Variants in SLC35F4 observed in about 807,000 individuals in gnomAD.
SLC35F4 encodes chromosome 14 open reading frame 36.
In SLC35F4, 24 loss-of-function variants were observed where a neutral mutation model predicts 44.2. The observed-to-expected ratio is 0.54, with a 90% CI of 0.39 to 0.76. The LOEUF (loss-of-function observed/expected upper bound fraction) is 0.76, where lower values mean the gene tolerates loss of function less well. SLC35F4 is among the 30% of genes least tolerant of loss of function. The pLI, the probability that SLC35F4 is intolerant of heterozygous loss-of-function variation, is 0.00. For synonymous variants in SLC35F4, 238 were observed against 223.6 expected (o/e 1.06, Z -0.57); for missense variants, 562 against 586.1 (o/e 0.96, Z 0.42).
At chr14:57,732,739 A>G (rs1018079851) in intron 1 of SLC35F4, among the ~76,000 whole-genome samples, 4 of 152,150 alleles carry the variant, frequency 2.6e-5, no homozygotes, top group Non-Finnish European at 5.9e-5. Flanking sequence ...AAGAAATCTT[A>G]TTATAGTTGG....
chr14:57,724,209 C>G (rs2076150698), intron 1 of SLC35F4, among the ~76,000 whole-genome samples: 1 of 152,170 alleles, frequency 6.6e-6, no homozygotes, highest in Admixed American at 6.5e-5. Context: ...CCAAGCTGCT[C>G]TGCCACTTGG....
intron 1 of SLC35F4, among the ~76,000 whole-genome samples, chr14:57,598,019 T>C (rs2070594301): frequency 6.6e-6 from 1 of 152,140 alleles, no homozygotes; most frequent in Non-Finnish European, 1.5e-5. Context: ...CCAAACTAAA[T>C]TGGTTTAAAG....
intron 1 of SLC35F4, among the ~76,000 whole-genome samples, chr14:57,815,160 C>T (rs533448346): frequency 6.6e-6 from 1 of 152,064 alleles, no homozygotes; most frequent in African/African-American, 2.4e-5. Context: ...GTTTGCCAAC[C>T]CTTTATTTAG....
intron 1 of SLC35F4, among the ~76,000 whole-genome samples, chr14:57,916,630 G>A (rs1055645187): frequency 6.6e-6 from 1 of 152,008 alleles, no homozygotes; most frequent in Non-Finnish European, 1.5e-5. Flanking sequence ...TACAACTTTT[G>A]TAGTTGTCCC....
chr14:57,734,981 C>A (rs767937644), intron 1 of SLC35F4, among the ~76,000 whole-genome samples: 91 of 152,146 alleles, frequency 6.0e-4, no homozygotes, highest in Non-Finnish European at 1.2e-3. Context: ...ATTTTAACAG[C>A]TACATGAAGC....
intron 1 of SLC35F4, among the ~76,000 whole-genome samples, chr14:57,657,056 C>G (rs2140222959): frequency 6.6e-6 from 1 of 152,268 alleles, no homozygotes; most frequent in East Asian, 1.9e-4. Context: ...GATGAGACAC[C>G]AAAGCTGTCA....
chr14:57,916,573 T>G (rs1762872793), intron 1 of SLC35F4, among the ~76,000 whole-genome samples: 1 of 152,196 alleles, frequency 6.6e-6, no homozygotes, highest in African/African-American at 2.4e-5. Context: ...AATTCTTCTG[T>G]TCCTTTCTCC....
intron 1 of SLC35F4, among the ~76,000 whole-genome samples, chr14:57,922,512 A>G (rs12432123): frequency 0.26 from 38,823 of 152,146 alleles, 5,091 homozygotes; most frequent in East Asian, 0.41. Flanking sequence ...TTCCTAGGGC[A>G]AAGGAGGAGT....
chr14:57,761,578 ACTAT>A lies in SLC35F4; in HGVS notation c.103+104141_103+104144del, dbSNP rs540563455. Among the ~76,000 whole-genome samples, 62 of 152,284 alleles carry A rather than the reference ACTAT, an allele frequency of 4.1e-4. 2 individuals are homozygous for A. The highest frequency in any genetic ancestry group is 6.8e-3 in the Middle Eastern group (2 of 294). ...ATCAAAGCTCCCTACTGTACATTAAACTATCTATTTTGTATAGGTTTTTATACAT... is the reference window on the plus strand; with the variant it reads ...ATCAAAGCTCCCTACTGTACATTAAACTATTTTGTATAGGTTTTTATACAT... On this transcript the variant is annotated intron_variant, in intron 1 of 7. Transcript: ENST00000556826.
intron 1 of SLC35F4, among the ~76,000 whole-genome samples, chr14:57,980,563 G>T (rs546212669): frequency 3.9e-5 from 6 of 152,298 alleles, no homozygotes; most frequent in African/African-American, 1.4e-4. Context: ...TTGGTGGAGA[G>T]TGAATTTCAA....
chr14:57,955,794 C>T (rs929207642), intron 1 of SLC35F4, among the ~76,000 whole-genome samples: 6 of 152,090 alleles, frequency 3.9e-5, no homozygotes, highest in Non-Finnish European at 8.8e-5. Context: ...TAAGAGAGGA[C>T]ACAAACAAAT....
At chr14:57,752,436 G>A (rs76124479) in intron 1 of SLC35F4, among the ~76,000 whole-genome samples, 4,459 of 151,878 alleles carry the variant, frequency 0.029, 239 homozygotes, top group African/African-American at 0.1. Context: ...ATGTGGAGAT[G>A]GAAAGCCCTG....
chr14:57,972,133 G>A (rs763933066), downstream of SLC35F4, among the ~76,000 whole-genome samples: 6 of 152,184 alleles, frequency 3.9e-5, no homozygotes, highest in Non-Finnish European at 5.9e-5. Flanking sequence ...GGCCAGGACT[G>A]GATTACAGTG....
intron 1 of SLC35F4, among the ~76,000 whole-genome samples, chr14:57,963,676 G>A (rs1386231010): frequency 7.0e-6 from 1 of 142,912 alleles, no homozygotes. Context: ...CTTTGACCCA[G>A]AGCCCACCCA....
At chr14:57,624,126 T>C (rs554485155) in intron 1 of SLC35F4, among the ~76,000 whole-genome samples, 111 of 152,066 alleles carry the variant, frequency 7.3e-4, no homozygotes, top group Non-Finnish European at 1.4e-3. Context: ...ATATCACCAC[T>C]GATTCCACAG....
intron 1 of SLC35F4, among the ~76,000 whole-genome samples, chr14:57,832,748 C>T (rs1351025584): frequency 7.0e-6 from 1 of 143,248 alleles, no homozygotes; most frequent in African/African-American, 2.8e-5. Flanking sequence ...GAAAAGAGAA[C>T]ACAAATTCCC....
intron 1 of SLC35F4, among the ~76,000 whole-genome samples, chr14:57,723,361 A>C (rs1411562860): frequency 6.6e-6 from 1 of 152,118 alleles, no homozygotes; most frequent in Non-Finnish European, 1.5e-5. Flanking sequence ...TAAATCAAAA[A>C]CCATATTGTA....
chr14:57,957,977 T>G (rs967783372), intron 1 of SLC35F4, among the ~76,000 whole-genome samples: 3 of 152,216 alleles, frequency 2.0e-5, no homozygotes, highest in Non-Finnish European at 4.4e-5. Context: ...AGAAAATAAC[T>G]GCTGCAAGTA....
intron 1 of SLC35F4, among the ~76,000 whole-genome samples, chr14:57,685,571 G>T (rs2075042462): frequency 1.3e-5 from 2 of 152,012 alleles, no homozygotes; most frequent in South Asian, 4.2e-4. Flanking sequence ...ATTTTATTTG[G>T]ATTGAATCTT....
Sources: allele counts gnomAD v4.1 joint callset (sites outside exome capture counted in the v4.1 genomes callset), GRCh38; gene constraint gnomAD v4.1.1; transcripts MANE v1.5; gene names NCBI Gene and HGNC (gene_info 2026-07-23, HGNC 2026-07-21).